Variants in HPR observed in about 807,000 individuals in gnomAD.
HPR encodes the protein haptoglobin-related protein, also known as Haptoglobin-related locus.
HPR carries 17 observed loss-of-function variants against 18.5 expected under a neutral mutation model. That is an observed-to-expected ratio of 0.92 (90% CI 0.63 to 1.38). HPR has a LOEUF of 1.38. HPR is among the 40% of genes most tolerant of loss of function. HPR has a pLI of 0.00. For synonymous variants in HPR, 176 were observed against 165.0 expected, an observed-to-expected ratio of 1.07 and a Z score of -0.51; for missense variants, 457 against 432.4, an observed-to-expected ratio of 1.06 and a Z score of -0.51.
At chr16:72,070,808 T>C (rs1387716634) in intron 1 of HPR, among the ~76,000 whole-genome samples, 1 of 152,120 alleles carries the variant, frequency 6.6e-6, no homozygotes, top group Admixed American at 6.6e-5. Flanking sequence ...CAAGTATAAG[T>C]ATAGAACCTT....
At chr16:72,074,069 C>T in intron 2 of HPR, 92 bp downstream of exon 2, 1 of 1,526,738 alleles carries the variant, frequency 6.5e-7, no homozygotes, top group Non-Finnish European at 9.1e-7. Context: ...TTTGAGAACA[C>T]ACAGTTCCCC....
chr16:72,073,731 T>C, intron 1 of HPR, 161 bp from the exon 2 acceptor site: 1 of 1,543,220 alleles, frequency 6.5e-7, no homozygotes. Flanking sequence ...CACTTCCATA[T>C]ATTGATTTTC....
In HPR at chr16:72,074,369, G is replaced by A. The variant is rs374275107; in HGVS notation, c.177G>A (p.Leu59=). ...FRYQCKNYYR[L]RTEGDGVYTL... is the part of the protein sequence containing the mutation. ...ACCAGTGTAAGAACTACTACAGACTGCGCACAGAAGGAGATGGTAAGACCT... is the reference window on the plus strand; with the variant it reads ...ACCAGTGTAAGAACTACTACAGACTACGCACAGAAGGAGATGGTAAGACCT... The change falls in exon 3 of 5, where the codon CTG becomes CTA. Residue 59 remains leucine (L), a synonymous_variant. Transcript: ENST00000540303. 9 of 1,612,826 alleles carry A rather than the reference G, an allele frequency of 5.6e-6. No homozygotes were observed. Among genetic ancestry groups the A allele is most frequent in the Non-Finnish European group, 7.6e-6 (9 of 1,178,854 alleles).
intron 1 of HPR, chr16:72,073,649 A>C: frequency 7.4e-7 from 1 of 1,355,470 alleles, no homozygotes; most frequent in South Asian, 1.4e-5. Context: ...AGCTTGCTGG[A>C]AGCTTGGTAT....
chr16:72,069,831 T>C (rs1672001740), intron 1 of HPR, among the ~76,000 whole-genome samples: 1 of 152,210 alleles, frequency 6.6e-6, no homozygotes, highest in African/African-American at 2.4e-5. Context: ...TCATTTAAAA[T>C]ACTTATTAGT....
At chr16:72,068,643 C>T (rs1474087495) in intron 1 of HPR, among the ~76,000 whole-genome samples, 1 of 152,180 alleles carries the variant, frequency 6.6e-6, no homozygotes, top group East Asian at 1.9e-4. Context: ...ACAGAGGCTG[C>T]TGGCAGCCCA....
At chr16:72,065,617 ATCC>A (rs1407876635) in intron 1 of HPR, among the ~76,000 whole-genome samples, 1 of 152,224 alleles carries the variant, frequency 6.6e-6, no homozygotes, top group Non-Finnish European at 1.5e-5. Flanking sequence ...CCAAGGTCCC[ATCC>A]TCAAACCCTC....
At chr16:72,076,202 C>T (rs2041720819) in intron 4 of HPR, 101 bp from the exon 5 acceptor site, 7 of 1,564,052 alleles carry the variant, frequency 4.5e-6, no homozygotes, top group South Asian at 2.3e-5. Context: ...TAAATCTTTC[C>T]AGTTTATGCA....
rs755896428 is a variant in HPR, at chr16:72,074,334, T to C, written c.142T>C (p.Leu48=). 1.9e-6 allele frequency: 3 copies of C among 1,613,998 alleles called. No homozygotes were observed. The highest frequency in any genetic ancestry group is 2.5e-6 in the Non-Finnish European group (3 of 1,180,016). The change falls in exon 3 of 5, where the codon TTG becomes CTG. Residue 48 remains leucine, a synonymous_variant. Transcript: ENST00000540303. ...PEIANGYVEH[L]FRYQCKNYYR... ...GATTGCAAATGGCTATGTGGAGCACTTGTTTCGCTACCAGTGTAAGAACTA... is the reference window on the plus strand; with the variant it reads ...GATTGCAAATGGCTATGTGGAGCACCTGTTTCGCTACCAGTGTAAGAACTA...
At chr16:72,067,242 A>G (rs1435195249) in intron 1 of HPR, among the ~76,000 whole-genome samples, 2 of 152,192 alleles carry the variant, frequency 1.3e-5, no homozygotes, top group Admixed American at 6.5e-5. Context: ...TGGGACCTAC[A>G]CATGAGCTTA....
Position 72,076,967 on chromosome 16 carries a change from G to T in HPR, c.933G>T (p.Trp311Cys), listed in dbSNP as rs1176871203. The change falls in exon 5 of 5, where the codon TGG (tryptophan) becomes TGT (cysteine). Residue 311 changes from tryptophan (W) to cysteine (C), a missense_variant. Physicochemically the swap from Trp to Cys is radical, Grantham distance 215 (BLOSUM62 -2). Coordinates refer to ENST00000540303, the MANE Select transcript of HPR (RefSeq NM_020995.4). ...FAVHDLEEDTWYAAGILSFDK... is the reference protein window; with the variant it reads ...FAVHDLEEDTCYAAGILSFDK... The stretch of plus-strand genomic sequence containing the variant: ...TTCACGACCTGGAGGAGGACACCTG[G>T]TACGCGGCTGGGATCCTAAGCTTTG... The T allele has an allele frequency of 3.7e-6, 6 of 1,614,088 alleles. No homozygotes were observed. Among genetic ancestry groups the T allele is most frequent in the Non-Finnish European group, 5.1e-6 (6 of 1,180,048 alleles).
rs961705747 is a variant in HPR, at chr16:72,073,917, C to T, written c.31C>T (p.Leu11=). ...TGACCTGGGAGCTGTCATTTCCCTC[C>T]TGCTCTGGGGACGACAGCTTTTTGC... MSDLGAVISL[L]LWGRQLFALY... is the part of the protein sequence containing the mutation. The change falls in exon 2 of 5, where the codon CTG becomes TTG. Residue 11 remains leucine (L), a synonymous_variant. Coordinates refer to ENST00000540303, the MANE Select transcript of HPR (RefSeq NM_020995.4). 3 of 1,613,936 alleles carry T rather than the reference C, an allele frequency of 1.9e-6. No homozygotes were observed. Among genetic ancestry groups the T allele is most frequent in the Non-Finnish European group, 1.7e-6 (2 of 1,180,012 alleles).
intron 1 of HPR, among the ~76,000 whole-genome samples, chr16:72,071,804 A>G (rs1325857000): frequency 2.0e-5 from 3 of 152,204 alleles, no homozygotes; most frequent in Admixed American, 2.0e-4. Flanking sequence ...CAGAAAAGAC[A>G]GAAACCAAAC....
rs34334289 is a variant in HPR, at chr16:72,075,833, C to CTT, written c.269-456_269-455dup. The stretch of plus-strand genomic sequence containing the variant: ...CTAGCCCTTTCTTTTTTCTTTCTTT[C>CTT]TTTTTTTTTTTTTTTGAGACAGAGT... On this transcript the variant is annotated intron_variant, in intron 4 of 4. Coordinates refer to ENST00000540303, the MANE Select transcript of HPR (RefSeq NM_020995.4). Among the ~76,000 whole-genome samples the CTT allele has an allele frequency of 5.1e-3, 728 of 142,600 alleles. 8 individuals are homozygous for CTT. Among genetic ancestry groups the CTT allele is most frequent in the Admixed American group, 6.3e-3 (88 of 14,064 alleles). 93.6% of individuals were successfully genotyped at this position (142,600 alleles called of 152,430 possible).
Position 72,075,026 on chromosome 16 carries a change from C to T in HPR, c.194-119C>T, listed in dbSNP as rs2041703050. On this transcript the variant is annotated intron_variant, in intron 3 of 4. Transcript: ENST00000540303. The stretch of plus-strand genomic sequence containing the variant: ...TTCTCGTATTCTCTCTCCTTTCTCC[C>T]TTCCTGTCTGCCTCCTTTCTTCTTC... 16 of 1,249,006 alleles carry T rather than the reference C, an allele frequency of 1.3e-5. No homozygotes were observed. The South Asian group carries it at 1.9e-4, about 15-fold the overall frequency. The allele number at this position is 1,249,006 out of a possible 1,614,324, so 77.4% of individuals were successfully genotyped here.
rs2041669672 is a variant in HPR, at chr16:72,072,644, A to C, written c.6-1248A>C. Among the ~76,000 whole-genome samples, 3 of 152,104 alleles carry C rather than the reference A, an allele frequency of 2.0e-5. No individual in the cohort carries two copies. The South Asian group carries it at 6.2e-4, about 31-fold the overall frequency. On this transcript the variant is annotated intron_variant, in intron 1 of 4. Transcript: ENST00000540303. ...CAATCCTCATGTCTCTTGCCATCAG[A>C]ATAGGGTTGCTTATTCTTGTAGGAT...
At chr16:72,069,193 T>C (rs1310568627) in intron 1 of HPR, among the ~76,000 whole-genome samples, 3 of 152,134 alleles carry the variant, frequency 2.0e-5, no homozygotes, top group African/African-American at 7.2e-5. Context: ...GCCTTTGGAG[T>C]GGCTCATACA....
At chr16:72,076,166 T>C (rs1271319863) in intron 4 of HPR, 137 bp from the exon 5 acceptor site, 9 of 1,486,650 alleles carry the variant, frequency 6.1e-6, no homozygotes, top group Non-Finnish European at 8.1e-6. Context: ...GGAAATGAGA[T>C]CAGCAGGTGG....
intron 1 of HPR, 26 bp downstream of exon 1, chr16:72,063,286 C>T: frequency 1.3e-6 from 2 of 1,580,412 alleles, no homozygotes; most frequent in Non-Finnish European, 1.7e-6. Flanking sequence ...TCCCTCCTGC[C>T]TTTCCTCTGG....
Sources: gnomAD v4.1 joint callset for allele counts (sites outside exome capture counted in the v4.1 genomes callset) on GRCh38, gnomAD v4.1.1 for gene constraint, MANE v1.5 for transcripts, NCBI Gene and HGNC (gene_info 2026-07-23, HGNC 2026-07-21) for gene names.